Variants in NAV2 observed in about 807,000 individuals in gnomAD.
NAV2 encodes helicase, APC down-regulated 1.
A neutral mutation model predicts 223.2 loss-of-function variants in NAV2; 54 were observed. The ratio of observed to expected loss-of-function variants is 0.24; its 90% CI spans 0.19 to 0.30. The LOEUF (loss-of-function observed/expected upper bound fraction) is 0.30. Ranked by LOEUF, NAV2 falls within the 10% of genes least tolerant of loss-of-function variation. NAV2 has a pLI of 1.00. For missense variants in NAV2, 2,806 were observed against 3,147.5 expected, an observed-to-expected ratio of 0.89 and a Z score of 2.60; for synonymous variants, 1,279 against 1,239.3, an observed-to-expected ratio of 1.03 and a Z score of -0.67.
At chr11:19,388,799 A>C (rs1321164615) in intron 1 of NAV2, among the ~76,000 whole-genome samples, 1 of 152,210 alleles carries the variant, frequency 6.6e-6, no homozygotes, top group African/African-American at 2.4e-5. Flanking sequence ...TGCACCATGG[A>C]CTTTGGATAC....
chr11:19,712,678 G>C (rs940122628), upstream of NAV2: 1 of 152,160 alleles, frequency 6.6e-6, no homozygotes, highest in South Asian at 2.1e-4. Context: ...TTGTACTCGC[G>C]GCCAAGCGCG....
chr11:20,065,610 A>C (rs1255306261), intron 20 of NAV2, among the ~76,000 whole-genome samples: 1 of 152,204 alleles, frequency 6.6e-6, no homozygotes, highest in Non-Finnish European at 1.5e-5. Flanking sequence ...TGTGCAGAAC[A>C]GCGGCAAGGG....
chr11:19,623,708 G>A (rs2047079406), intron 1 of NAV2, among the ~76,000 whole-genome samples: 2 of 152,146 alleles, frequency 1.3e-5, no homozygotes, highest in African/African-American at 4.8e-5. Flanking sequence ...CGATGGGTTC[G>A]AACATCCTCC....
At chr11:19,498,351 C>T (rs376878237) in intron 1 of NAV2, among the ~76,000 whole-genome samples, 1 of 152,196 alleles carries the variant, frequency 6.6e-6, no homozygotes, top group African/African-American at 2.4e-5. Flanking sequence ...AGAAAATTGG[C>T]AGACTTAGGT....
intron 1 of NAV2, among the ~76,000 whole-genome samples, chr11:19,500,011 C>T (rs927970235): frequency 6.6e-6 from 1 of 152,098 alleles, no homozygotes; most frequent in East Asian, 1.9e-4. Context: ...CACACATCCA[C>T]ACACACGCAC....
chr11:19,741,685 GTGTATATATATATATATATATATATATA>G (rs2052831183), intron 1 of NAV2, among the ~76,000 whole-genome samples: 1 of 131,860 alleles, frequency 7.6e-6, no homozygotes, highest in African/African-American at 3.2e-5. Flanking sequence ...ATGTGTGTGT[GTGTATATATATATATATATATATATATA>G]TATATATATA....
chr11:20,004,346 T>C (rs1281921246), intron 11 of NAV2, among the ~76,000 whole-genome samples: 5 of 152,226 alleles, frequency 3.3e-5, no homozygotes, highest in Non-Finnish European at 5.9e-5. Context: ...CACACCTTTT[T>C]TGTGCTTCAG....
chr11:20,000,143 T>C (rs2052398382), intron 11 of NAV2, among the ~76,000 whole-genome samples: 1 of 152,216 alleles, frequency 6.6e-6, no homozygotes, highest in African/African-American at 2.4e-5. Flanking sequence ...GAGACCCTGA[T>C]GGATAACTGG....
chr11:19,371,150 G>T (rs1294308166), intron 1 of NAV2, among the ~76,000 whole-genome samples: 1 of 152,166 alleles, frequency 6.6e-6, no homozygotes. Flanking sequence ...GCTTTATTGA[G>T]AATTTACTCT....
At chr11:19,827,967 G>A (rs79679044) in intron 1 of NAV2, among the ~76,000 whole-genome samples, 1,423 of 141,756 alleles carry the variant, frequency 0.01, 43 homozygotes, top group East Asian at 0.074. Flanking sequence ...CCAAGGGGAG[G>A]AAGGGGAGGG....
At chr11:19,418,636 C>G (rs1454675633) in intron 1 of NAV2, among the ~76,000 whole-genome samples, 2 of 152,022 alleles carry the variant, frequency 1.3e-5, no homozygotes, top group African/African-American at 4.8e-5. Flanking sequence ...GGATCTGAAG[C>G]AAAATAAGCC....
chr11:19,631,616 G>A (rs2047348103), intron 1 of NAV2, among the ~76,000 whole-genome samples: 1 of 152,158 alleles, frequency 6.6e-6, no homozygotes, highest in Non-Finnish European at 1.5e-5. Context: ...TCTAGCTAAA[G>A]GGAACTCTCA....
chr11:19,491,791 G>A (rs1389443359), intron 1 of NAV2, among the ~76,000 whole-genome samples: 1 of 152,140 alleles, frequency 6.6e-6, no homozygotes, highest in Admixed American at 6.5e-5. Flanking sequence ...TAGCTTATCT[G>A]GGCTTTCAAC....
chr11:19,445,068 A>T (rs980144321), intron 1 of NAV2, among the ~76,000 whole-genome samples: 1 of 152,174 alleles, frequency 6.6e-6, no homozygotes, highest in Non-Finnish European at 1.5e-5. Flanking sequence ...TTATTTATCA[A>T]TGGAGAATCA....
chr11:20,107,083 T>C (rs1469124763), intron 35 of NAV2, among the ~76,000 whole-genome samples: 1 of 112,714 alleles, frequency 8.9e-6, no homozygotes, highest in East Asian at 2.5e-4. Context: ...TTTTTTTTTT[T>C]TTTTTTTTTT....
At chr11:19,812,205 A>T (rs1333898114) in intron 1 of NAV2, among the ~76,000 whole-genome samples, 1 of 152,042 alleles carries the variant, frequency 6.6e-6, no homozygotes, top group East Asian at 1.9e-4. Context: ...ATCTGCATTT[A>T]TGATGAGTTC....
intron 27 of NAV2, 107 bp from the exon 28 acceptor site, chr11:20,092,099 G>A: frequency 9.2e-7 from 1 of 1,090,300 alleles, no homozygotes; most frequent in East Asian, 2.4e-5. Context: ...CGCCTTGGGT[G>A]GAAGACCAGC....
At chr11:19,956,517 G>C (rs1327895756) in intron 10 of NAV2, among the ~76,000 whole-genome samples, 2 of 152,120 alleles carry the variant, frequency 1.3e-5, no homozygotes, top group East Asian at 3.9e-4. Context: ...CTTACATTCA[G>C]AAATTTGCTA....
intron 1 of NAV2, among the ~76,000 whole-genome samples, chr11:19,553,147 A>G (rs1167407217): frequency 6.6e-6 from 1 of 151,674 alleles, no homozygotes; most frequent in African/African-American, 2.4e-5. Context: ...GCTCAGAAGG[A>G]CTCTTGGGAG....
Sources: allele counts gnomAD v4.1 joint callset (sites outside exome capture counted in the v4.1 genomes callset), GRCh38; gene constraint gnomAD v4.1.1; transcripts MANE v1.5; gene names NCBI Gene and HGNC (gene_info 2026-07-23, HGNC 2026-07-21).